SLCO3A1: variants seen among roughly 807,000 people sequenced by gnomAD.
SLCO3A1 encodes the protein solute carrier organic anion transporter family member 3A1, also known as PGE1 transporter.
SLCO3A1 carries 27 observed loss-of-function variants against 63.1 expected under a neutral mutation model. That is an observed-to-expected ratio of 0.43 (90% CI 0.32 to 0.59). The LOEUF (loss-of-function observed/expected upper bound fraction) is 0.59, where lower values mean the gene tolerates loss of function less well. SLCO3A1 is among the 20% of genes least tolerant of loss of function. SLCO3A1 has a pLI of 0.09. For missense variants in SLCO3A1, 773 were observed against 945.8 expected, an observed-to-expected ratio of 0.82 and a Z score of 2.40; for synonymous variants, 473 against 409.9, an observed-to-expected ratio of 1.15 and a Z score of -1.86.
chr15:91,862,115 C>A lies in SLCO3A1; in HGVS notation c.180+8027C>A, dbSNP rs1189781512. Among the ~76,000 whole-genome samples the A allele has an allele frequency of 2.6e-5, 4 of 151,988 alleles. No individual in the cohort carries two copies. On this transcript the variant is annotated intron_variant, in intron 1 of 9. Coordinates refer to ENST00000318445, the MANE Select transcript of SLCO3A1 (RefSeq NM_013272.4). This position sits in a 1 kb window ranked among gnomAD's most constrained non-coding sequence, Gnocchi z 4.0. ...ATTTTAAGTTATCTGGTAATGGACT[C>A]AGAGAGCCCACTGACTGTAATGATG...
intron 1 of SLCO3A1, among the ~76,000 whole-genome samples, chr15:91,881,897 T>C (rs1170603576): frequency 1.3e-5 from 2 of 152,210 alleles, no homozygotes; most frequent in East Asian, 3.9e-4. Context: ...TTGAGTGAGG[T>C]AACCCTGCTC....
At chr15:91,974,258 C>CATT (rs1555420133) in intron 2 of SLCO3A1, among the ~76,000 whole-genome samples, 1 of 63,044 alleles carries the variant, frequency 1.6e-5, no homozygotes, top group Non-Finnish European at 3.5e-5. Flanking sequence ...ACACCATTTT[C>CATT]ATTATTGTTA....
At chr15:92,025,435 A>T (rs1409025835) in intron 2 of SLCO3A1, among the ~76,000 whole-genome samples, 1 of 152,156 alleles carries the variant, frequency 6.6e-6, no homozygotes, top group African/African-American at 2.4e-5. Context: ...CGATGACACT[A>T]ATGCTGCTGC....
At position 91,954,170 on chromosome 15, in the gene SLCO3A1, C is replaced by G. The variant is rs1376818895; in HGVS notation, c.646+37712C>G. 6.6e-6 allele frequency among the ~76,000 whole-genome samples: 1 copy of G among 152,196 alleles called. No homozygotes were observed. Among genetic ancestry groups the G allele is most frequent in the Non-Finnish European group, 1.5e-5 (1 of 68,020 alleles). On this transcript the variant is annotated intron_variant, in intron 2 of 9. Coordinates refer to ENST00000318445, the MANE Select transcript of SLCO3A1 (RefSeq NM_013272.4). The surrounding 1 kb of genome is among the most constrained non-coding windows in gnomAD (Gnocchi z 4.7). ...TGAAGATAGTTTTGACCTCCTAGACCTCTCTGCTCAAGGGTGTTAGAGACA... is the reference window on the plus strand; with the variant it reads ...TGAAGATAGTTTTGACCTCCTAGACGTCTCTGCTCAAGGGTGTTAGAGACA...
chr15:92,095,097 C>G (rs201909358), intron 3 of SLCO3A1, 118 bp downstream of exon 3: 1 of 289,340 alleles, frequency 3.5e-6, no homozygotes, highest in Non-Finnish European at 6.5e-6. Flanking sequence ...GATGCCCCTG[C>G]CTCTGTAGCT....
At chr15:92,150,274 T>C (rs1207845963) in intron 8 of SLCO3A1, among the ~76,000 whole-genome samples, 4 of 152,228 alleles carry the variant, frequency 2.6e-5, no homozygotes, top group African/African-American at 4.8e-5. Flanking sequence ...GCTAATTAGA[T>C]GGTGCCCACC....
At chr15:91,926,613 A>C (rs4520813) in intron 2 of SLCO3A1, among the ~76,000 whole-genome samples, 81,858 of 137,858 alleles carry the variant, frequency 0.59, 23,939 homozygotes, top group East Asian at 0.91. Context: ...GCGCACGCCC[A>C]TGCTTATTTT....
At chr15:92,016,266 A>AT (rs33962041) in intron 2 of SLCO3A1, among the ~76,000 whole-genome samples, 2,928 of 134,926 alleles carry the variant, frequency 0.022, 50 homozygotes, top group South Asian at 0.032. Flanking sequence ...AGATAGATAG[A>AT]TAGATAGATA....
chr15:92,124,883 T>C (rs2047903093), intron 5 of SLCO3A1, among the ~76,000 whole-genome samples: 1 of 152,080 alleles, frequency 6.6e-6, no homozygotes, highest in Non-Finnish European at 1.5e-5. Flanking sequence ...CTGTTTGGCC[T>C]GTCCTAGGGA....
chr15:91,926,558 C>CGTGTGTGT (rs565234731), intron 2 of SLCO3A1, among the ~76,000 whole-genome samples: 12,237 of 125,840 alleles, frequency 0.097, 682 homozygotes, highest in Non-Finnish European at 0.11. Context: ...CCTGCCAAGC[C>CGTGTGTGT]GTGTGTGTGT....
At chr15:91,926,559 G>GTGTGTT (rs1491267426) in intron 2 of SLCO3A1, among the ~76,000 whole-genome samples, 17 of 42,932 alleles carry the variant, frequency 4.0e-4, no homozygotes, top group Admixed American at 2.7e-3. Context: ...CTGCCAAGCC[G>GTGTGTT]TGTGTGTGTG....
intron 2 of SLCO3A1, among the ~76,000 whole-genome samples, chr15:91,992,081 C>T (rs1159013798): frequency 6.6e-6 from 1 of 152,128 alleles, no homozygotes; most frequent in African/African-American, 2.4e-5. Flanking sequence ...TACCCTGTGC[C>T]ACAGGAGTTC....
At chr15:92,064,576 G>C (rs1808829336) in intron 2 of SLCO3A1, among the ~76,000 whole-genome samples, 1 of 152,070 alleles carries the variant, frequency 6.6e-6, no homozygotes, top group Admixed American at 6.6e-5. Flanking sequence ...ATAGTTTCAA[G>C]TCTTACATTC....
rs1476672535 is a variant in SLCO3A1 at position 91,897,646 on chromosome 15, A to G, written c.181-18347A>G. ...GCAGGTGTTTTCCCTAGCTGATGAA[A>G]TGCTGGGACTGTCCTCTTGATAAAG... is the stretch of plus-strand genomic sequence containing the variant. On this transcript the variant is annotated intron_variant, in intron 1 of 9. Transcript: ENST00000318445. The surrounding 1 kb of genome is among the most constrained non-coding windows in gnomAD (Gnocchi z 4.7). Among the ~76,000 whole-genome samples, 1 of 152,160 alleles carries G rather than the reference A, an allele frequency of 6.6e-6. No individual in the cohort carries two copies. The highest frequency in any genetic ancestry group is 1.5e-5 in the Non-Finnish European group (1 of 68,028).
intron 1 of SLCO3A1, among the ~76,000 whole-genome samples, chr15:91,869,275 T>C (rs1011914555): frequency 6.6e-6 from 1 of 151,826 alleles, no homozygotes; most frequent in African/African-American, 2.4e-5. Context: ...GTGGCTTATG[T>C]CTGTAATCCC....
At chr15:92,152,073 AT>A (rs1305094194) in intron 9 of SLCO3A1, among the ~76,000 whole-genome samples, 1 of 152,256 alleles carries the variant, frequency 6.6e-6, no homozygotes, top group Non-Finnish European at 1.5e-5. Context: ...CTGTAATGTA[AT>A]AACTTTTGCA....
rs72765743 is a variant in SLCO3A1, at chr15:91,863,865, T to C, written c.180+9777T>C. ...ACTTTGTAGGTTGGGAGGCTTAACA[T>C]GCCAGTGACAGTTTCTCAGCCAGCC... On this transcript the variant is annotated intron_variant, in intron 1 of 9. Coordinates refer to ENST00000318445, the MANE Select transcript of SLCO3A1 (RefSeq NM_013272.4). This position sits in a 1 kb window ranked among gnomAD's most constrained non-coding sequence, Gnocchi z 4.3. 0.014 allele frequency among the ~76,000 whole-genome samples: 2,153 copies of C among 152,302 alleles called. 32 individuals carry two copies. The highest frequency in any genetic ancestry group is 0.034 in the South Asian group (164 of 4,832).
At chr15:92,067,843 G>A (rs1330825996) in intron 2 of SLCO3A1, among the ~76,000 whole-genome samples, 1 of 152,182 alleles carries the variant, frequency 6.6e-6, no homozygotes, top group Non-Finnish European at 1.5e-5. Context: ...CTGCAGGCGG[G>A]GACGTCCAAG....
chr15:92,125,449 T>A (rs925116035), intron 5 of SLCO3A1, among the ~76,000 whole-genome samples: 1 of 151,970 alleles, frequency 6.6e-6, no homozygotes, highest in Admixed American at 6.6e-5. Context: ...AAGGAAAAAA[T>A]ATATATGCCA....
Sources: gnomAD v4.1 joint callset for allele counts (sites outside exome capture counted in the v4.1 genomes callset) on GRCh38, gnomAD v4.1.1 for gene constraint, Gnocchi (gnomAD v3.1) non-coding constraint, MANE v1.5 for transcripts, NCBI Gene and HGNC (gene_info 2026-07-23, HGNC 2026-07-21) for gene names.